SPACA9: variants seen among roughly 807,000 people sequenced by gnomAD.
SPACA9 encodes the protein sperm acrosome associated 9, also known as sperm acrosome-associated protein 9.
A neutral mutation model predicts 12.5 loss-of-function variants in SPACA9; 14 were observed. The ratio of observed to expected loss-of-function variants is 1.12; its 90% CI spans 0.74 to 1.75. The LOEUF is 1.75. SPACA9 is among the 40% of genes most tolerant of loss of function. The pLI is 0.00. For missense variants in SPACA9, 292 were observed against 291.9 expected, an observed-to-expected ratio of 1.00 and a Z score of 0.00; for synonymous variants, 111 against 114.1, an observed-to-expected ratio of 0.97 and a Z score of 0.17.
chr9:132,887,466 A>G lies in SPACA9; in HGVS notation c.242A>G (p.Gln81Arg). ...DICSELNKLC[Q>R]HFEAVHSGTP... ...TGTTCAGAGCTGAATAAGCTCTGCC[A>G]GCACTTTGAGGCCGTGCACTCTGGC... Residue 81 changes from glutamine (Q) to arginine (R), a missense_variant, in exon 3 of 4, where the codon CAG becomes CGG. Gln to Arg is a conservative substitution (Grantham distance 43). Transcript: ENST00000356311. This position sits in a 1 kb window ranked among gnomAD's most constrained non-coding sequence, Gnocchi z 5.4. 6.2e-7 allele frequency: 1 copy of G among 1,613,890 alleles called. No individual in the cohort carries two copies. The highest frequency in any genetic ancestry group is 8.5e-7 in the Non-Finnish European group (1 of 1,179,952).
chr9:132,880,054 C>T (rs981127809), intron 1 of SPACA9, among the ~76,000 whole-genome samples: 2 of 152,194 alleles, frequency 1.3e-5, no homozygotes, highest in Admixed American at 6.5e-5. Flanking sequence ...AAGGAAGCTG[C>T]CTCCCCCTGA....
At position 132,878,906 on chromosome 9, in the gene SPACA9, C is replaced by A. The variant is rs1844285486; in HGVS notation, c.-146C>A. The A allele has an allele frequency of 4.4e-6, 2 of 457,268 alleles. No homozygotes were observed. The highest frequency in any genetic ancestry group is 5.8e-6 in the Non-Finnish European group (2 of 347,170). 28.3% of individuals were successfully genotyped at this position (457,268 alleles called of 1,614,324 possible). On this transcript the variant is annotated 5_prime_UTR_variant, in exon 1 of 4. Coordinates refer to ENST00000356311, the MANE Select transcript of SPACA9 (RefSeq NM_001316897.2). This position sits in a 1 kb window ranked among gnomAD's most constrained non-coding sequence, Gnocchi z 4.7. ...CGACGTCCCCACCCACCCTCGCCTCCCAAGTCCTGGAACGGGCCTCCCCAC... is the reference window on the plus strand; with the variant it reads ...CGACGTCCCCACCCACCCTCGCCTCACAAGTCCTGGAACGGGCCTCCCCAC...
At chr9:132,880,989 A>AC (rs915423367) in intron 1 of SPACA9, among the ~76,000 whole-genome samples, 1 of 151,892 alleles carries the variant, frequency 6.6e-6, no homozygotes, top group Non-Finnish European at 1.5e-5. Context: ...TGCCCGGCTA[A>AC]CTTTTTTTGT....
In SPACA9 at chr9:132,888,455, G is replaced by C; in HGVS notation, c.513G>C (p.Ala171=). Residue 171 remains alanine (A), a synonymous_variant, in exon 4 of 4, where the codon GCG becomes GCC. Transcript: ENST00000356311. This position sits in a 1 kb window ranked among gnomAD's most constrained non-coding sequence, Gnocchi z 5.0. ...TGCAGCACGTGAGTGAGCCCCAGGC[G>C]CACCAGGAGAGCACCAGGGGAGCCG... ...KVLQHVSEPQ[A]HQESTRGAAR... 2 of 1,612,802 alleles carry C rather than the reference G, an allele frequency of 1.2e-6. No individual in the cohort carries two copies. The highest frequency in any genetic ancestry group is 1.7e-6 in the Non-Finnish European group (2 of 1,179,588).
At position 132,888,715 on chromosome 9, in the gene SPACA9, C is replaced by A; in HGVS notation, c.*104C>A. 6.9e-7 allele frequency: 1 copy of A among 1,447,832 alleles called. No individual in the cohort carries two copies. Among genetic ancestry groups the A allele is most frequent in the South Asian group, 1.5e-5 (1 of 67,264 alleles). The allele number at this position is 1,447,832 out of a possible 1,614,324, so 89.7% of individuals were successfully genotyped here. A position where few individuals can be genotyped will look rare whatever the true frequency, so the allele number is the denominator to read the frequency against. ...ACCCATGGACCCTGCCACTTACTAACCCCAAGGGAATCAGCCAATATATTA... is the reference window on the plus strand; with the variant it reads ...ACCCATGGACCCTGCCACTTACTAAACCCAAGGGAATCAGCCAATATATTA... On this transcript the variant is annotated 3_prime_UTR_variant, in exon 4 of 4. Coordinates refer to ENST00000356311, the MANE Select transcript of SPACA9 (RefSeq NM_001316897.2). This position sits in a 1 kb window ranked among gnomAD's most constrained non-coding sequence, Gnocchi z 5.0.
chr9:132,888,891 C>T lies in SPACA9; in HGVS notation c.*280C>T. 3 of 695,106 alleles carry T rather than the reference C, an allele frequency of 4.3e-6. No homozygotes were observed. The highest frequency in any genetic ancestry group is 5.9e-6 in the Non-Finnish European group (3 of 507,940). The allele number at this position is 695,106 out of a possible 1,614,324, so 43.1% of individuals were successfully genotyped here. ...CACGCCATTCTCCTGCCTCAGCCTC[C>T]CAAGTAGCTGGGACTACAGGCGCCC... On this transcript the variant is annotated 3_prime_UTR_variant, in exon 4 of 4. Transcript: ENST00000356311. The surrounding 1 kb of genome is among the most constrained non-coding windows in gnomAD (Gnocchi z 5.0).
Position 132,887,509 on chromosome 9 carries a change from C to A in SPACA9, c.285C>A (p.Asn95Lys), listed in dbSNP as rs770113099. 6.2e-7 allele frequency: 1 copy of A among 1,614,142 alleles called. No individual in the cohort carries two copies. Among genetic ancestry groups the A allele is most frequent in the East Asian group, 2.2e-5 (1 of 44,878 alleles). Residue 95 changes from asparagine to lysine, a missense_variant, in exon 3 of 4, where the codon AAC (asparagine) becomes AAA (lysine). Transcript: ENST00000356311. This position sits in a 1 kb window ranked among gnomAD's most constrained non-coding sequence, Gnocchi z 5.4. ...ACTCTGGCACCCCAGTCACCAACAA[C>A]CTCCTGGAGAAATGCAAAACCCTCG... ...AVHSGTPVTN[N>K]LLEKCKTLVS...
In SPACA9 at chr9:132,887,029, C is replaced by T. The variant is rs1252574929; in HGVS notation, c.145-340C>T. Among the ~76,000 whole-genome samples, 2 of 151,906 alleles carry T rather than the reference C, an allele frequency of 1.3e-5. No homozygotes were observed. Among genetic ancestry groups the T allele is most frequent in the Non-Finnish European group, 2.9e-5 (2 of 67,988 alleles). On this transcript the variant is annotated intron_variant, in intron 2 of 3. Transcript: ENST00000356311. This position sits in a 1 kb window ranked among gnomAD's most constrained non-coding sequence, Gnocchi z 5.4. ...GTTTCACCATGTTGACCAGGCTGGT[C>T]TCGAACTCCTGACCTCAAGTGATCC...
Position 132,887,682 on chromosome 9 carries a change from G to A in SPACA9, c.347+111G>A. The A allele has an allele frequency of 2.3e-6, 2 of 862,248 alleles. No individual in the cohort carries two copies. Among genetic ancestry groups the A allele is most frequent in the East Asian group, 2.5e-5 (1 of 40,486 alleles). The allele number at this position is 862,248 out of a possible 1,614,324, so 53.4% of individuals were successfully genotyped here. ...TGGTGCTCCTATTAGACCACCCCGG[G>A]CAGGAAATCCCAGTCTCCACTCATT... On this transcript the variant is annotated intron_variant, in intron 3 of 3. Coordinates refer to ENST00000356311, the MANE Select transcript of SPACA9 (RefSeq NM_001316897.2). This position sits in a 1 kb window ranked among gnomAD's most constrained non-coding sequence, Gnocchi z 5.4.
rs11243925 is a variant in SPACA9 at position 132,887,309 on chromosome 9, A to G, written c.145-60A>G. ...GTGGGTGCTTCTGGACATTTGCACC[A>G]TAAGCCAGCCAGGACCCGGGTTGGC... is the stretch of plus-strand genomic sequence containing the variant. On this transcript the variant is annotated intron_variant, in intron 2 of 3. Coordinates refer to ENST00000356311, the MANE Select transcript of SPACA9 (RefSeq NM_001316897.2). This position sits in a 1 kb window ranked among gnomAD's most constrained non-coding sequence, Gnocchi z 5.4. The G allele has an allele frequency of 3.3e-4, 509 of 1,523,890 alleles. 1 individual carries two copies. In the African/African-American group the frequency reaches 6.2e-3, roughly 18 times the overall value. The allele number at this position is 1,523,890 out of a possible 1,614,324, so 94.4% of individuals were successfully genotyped here.
rs200569712 is a variant in SPACA9 at position 132,887,480 on chromosome 9, G to A, written c.256G>A (p.Val86Met). The change falls in exon 3 of 4, where the codon GTG becomes ATG. Residue 86 changes from valine (V) to methionine (M), a missense_variant. Val to Met is a conservative substitution (Grantham distance 21, BLOSUM62 1). Transcript: ENST00000356311. The surrounding 1 kb of genome is among the most constrained non-coding windows in gnomAD (Gnocchi z 5.4). ...LNKLCQHFEAVHSGTPVTNNL... is the reference protein window; with the variant it reads ...LNKLCQHFEAMHSGTPVTNNL... ...TAAGCTCTGCCAGCACTTTGAGGCCGTGCACTCTGGCACCCCAGTCACCAA... is the reference window on the plus strand; with the variant it reads ...TAAGCTCTGCCAGCACTTTGAGGCCATGCACTCTGGCACCCCAGTCACCAA... 150 of 1,613,890 alleles carry A rather than the reference G, an allele frequency of 9.3e-5. No homozygotes were observed. The highest frequency in any genetic ancestry group is 7.3e-4 in the African/African-American group (55 of 75,000).
rs780173110 is a variant in SPACA9 at position 132,888,492 on chromosome 9, C to T, written c.550C>T (p.Gln184Ter). 5 of 1,603,340 alleles carry T rather than the reference C, an allele frequency of 3.1e-6. No individual in the cohort carries two copies. In the African/African-American group the frequency reaches 6.7e-5, roughly 22 times the overall value. Residue 184 changes from glutamine (Q) to a stop codon, truncating the protein, a stop_gained, in exon 4 of 4, where the codon CAG (glutamine) becomes TAG (stop). Coordinates refer to ENST00000356311, the MANE Select transcript of SPACA9 (RefSeq NM_001316897.2). LOFTEE classifies it low-confidence loss of function (END_TRUNC). This position sits in a 1 kb window ranked among gnomAD's most constrained non-coding sequence, Gnocchi z 5.0. ...CACCAGGGGAGCCGCTCGTCCTGCC[C>T]AGGCCATAGGGACCCAGCCCAGGGC... ...ESTRGAARPA[Q>*]AIGTQPRATK...
Position 132,888,451 on chromosome 9 carries a change from A to G in SPACA9, c.509A>G (p.Gln170Arg), listed in dbSNP as rs1444278025. The change falls in exon 4 of 4, where the codon CAG becomes CGG. Residue 170 changes from glutamine (Q) to arginine (R), a missense_variant. Gln to Arg is a conservative substitution (Grantham distance 43). Coordinates refer to ENST00000356311, the MANE Select transcript of SPACA9 (RefSeq NM_001316897.2). This position sits in a 1 kb window ranked among gnomAD's most constrained non-coding sequence, Gnocchi z 5.0. ...RKVLQHVSEPQAHQESTRGAA... is the reference protein window; with the variant it reads ...RKVLQHVSEPRAHQESTRGAA... ...GTGCTGCAGCACGTGAGTGAGCCCC[A>G]GGCGCACCAGGAGAGCACCAGGGGA... 2.5e-6 allele frequency: 4 copies of G among 1,612,988 alleles called. No individual in the cohort carries two copies. In the African/African-American group the frequency reaches 5.3e-5, roughly 22 times the overall value.
At chr9:132,878,700 G>A, upstream of SPACA9, 2 of 989,064 alleles carry the variant, frequency 2.0e-6, no homozygotes, top group Non-Finnish European at 2.4e-6. This position sits in a 1 kb window ranked among gnomAD's most constrained non-coding sequence, Gnocchi z 4.7. Context: ...TTTGAAGGGG[G>A]AGGGGCGTCC....
At chr9:132,886,142 CT>C (rs1844559663) in intron 2 of SPACA9, among the ~76,000 whole-genome samples, 1 of 152,224 alleles carries the variant, frequency 6.6e-6, no homozygotes, top group Non-Finnish European at 1.5e-5. Flanking sequence ...AGATGTAGAC[CT>C]TTGTGGGTGC....
In SPACA9 at chr9:132,888,263, T is replaced by A; in HGVS notation, c.348-27T>A. The A allele has an allele frequency of 1.3e-6, 2 of 1,571,836 alleles. No individual in the cohort carries two copies. The highest frequency in any genetic ancestry group is 1.7e-4 in the Middle Eastern group (1 of 5,814). ...GCATGGCAAGTCCCGGGAGCATGGGTTCACCTGGCCCCCTGCCGTCCTGCA... is the reference window on the plus strand; with the variant it reads ...GCATGGCAAGTCCCGGGAGCATGGGATCACCTGGCCCCCTGCCGTCCTGCA... On this transcript the variant is annotated intron_variant, in intron 3 of 3. Coordinates refer to ENST00000356311, the MANE Select transcript of SPACA9 (RefSeq NM_001316897.2). This position sits in a 1 kb window ranked among gnomAD's most constrained non-coding sequence, Gnocchi z 5.0.
At chr9:132,879,305 G>A (rs985203247) in intron 1 of SPACA9, among the ~76,000 whole-genome samples, 1 of 152,220 alleles carries the variant, frequency 6.6e-6, no homozygotes, top group African/African-American at 2.4e-5. Context: ...GTAAGAGTTT[G>A]TTGAACTCTT....
At chr9:132,880,032 G>T (rs1588259010) in intron 1 of SPACA9, among the ~76,000 whole-genome samples, 1 of 152,326 alleles carries the variant, frequency 6.6e-6, no homozygotes, top group East Asian at 1.9e-4. Context: ...TGTAAAGATA[G>T]CTGGGGAAGA....
In SPACA9 at chr9:132,889,180, C is replaced by T; in HGVS notation, c.*569C>T. 1.0e-6 allele frequency: 1 copy of T among 988,002 alleles called. No homozygotes were observed. Among genetic ancestry groups the T allele is most frequent in the South Asian group, 4.7e-5 (1 of 21,450 alleles). The allele number at this position is 988,002 out of a possible 1,614,324, so 61.2% of individuals were successfully genotyped here. ...AACAGGATGGTGTGGTAGAGGGTCC[C>T]AGGAGGGCACTGAACTGTCACCTAG... On this transcript the variant is annotated 3_prime_UTR_variant, in exon 4 of 4. Transcript: ENST00000356311.
Sources: gnomAD v4.1 joint callset for allele counts (sites outside exome capture counted in the v4.1 genomes callset) on GRCh38, gnomAD v4.1.1 for gene constraint, Gnocchi (gnomAD v3.1) non-coding constraint, MANE v1.5 for transcripts, NCBI Gene and HGNC (gene_info 2026-07-23, HGNC 2026-07-21) for gene names.